The following KDM4C variants were observed in gnomAD, a reference collection of about 807,000 sequenced individuals.
KDM4C encodes the protein lysine-specific demethylase 4C.
In KDM4C, 81 loss-of-function variants were observed where a neutral mutation model predicts 129.3. That is an observed-to-expected ratio of 0.63 (90% CI 0.52 to 0.75). KDM4C has a LOEUF of 0.75. Ranked by LOEUF, KDM4C falls within the 30% of genes least tolerant of loss-of-function variation. The pLI is 0.00. For synonymous variants in KDM4C, 573 were observed against 456.1 expected, an observed-to-expected ratio of 1.26 and a Z score of -3.26; for missense variants, 1,457 against 1,304.0, an observed-to-expected ratio of 1.12 and a Z score of -1.81.
chr9:6,997,336 C>T (rs575421105), intron 12 of KDM4C, among the ~76,000 whole-genome samples: 2 of 152,162 alleles, frequency 1.3e-5, no homozygotes, highest in Non-Finnish European at 2.9e-5. Flanking sequence ...CCTTAAAAGC[C>T]TACACCTTTA....
At chr9:7,165,509 C>A in intron 20 of KDM4C, 152 bp downstream of exon 20, 2 of 847,654 alleles carry the variant, frequency 2.4e-6, no homozygotes, top group African/African-American at 1.7e-5. Context: ...TGTAATGACC[C>A]AGGTCGAAAC....
chr9:6,833,822 G>T (rs1262302562), intron 4 of KDM4C, among the ~76,000 whole-genome samples: 3 of 152,234 alleles, frequency 2.0e-5, no homozygotes, highest in Middle Eastern at 6.8e-3. Context: ...GAAGAGTTCT[G>T]TTCTGCGGTT....
chr9:6,978,772 A>T (rs978565295), intron 8 of KDM4C: 9 of 151,934 alleles, frequency 5.9e-5, no homozygotes, highest in Non-Finnish European at 1.3e-4. Context: ...GCTTCTGCTG[A>T]CATGGTTGAT....
intron 8 of KDM4C, among the ~76,000 whole-genome samples, chr9:6,933,046 C>G (rs995579883): frequency 6.8e-6 from 1 of 146,830 alleles, no homozygotes; most frequent in Non-Finnish European, 1.5e-5. Context: ...ATTTGTACTT[C>G]ATCAGTGGTG....
intron 19 of KDM4C, among the ~76,000 whole-genome samples, chr9:7,149,326 G>T (rs1481994037): frequency 6.6e-6 from 1 of 152,230 alleles, no homozygotes; most frequent in African/African-American, 2.4e-5. Context: ...GTGCATACCA[G>T]GAGCGGGGAG....
chr9:6,972,515 A>G (rs1348370608), intron 8 of KDM4C, among the ~76,000 whole-genome samples: 3 of 152,210 alleles, frequency 2.0e-5, no homozygotes, highest in African/African-American at 4.8e-5. Context: ...ATTCAAAATT[A>G]TCTGCTTAGG....
At chr9:7,165,526 GT>G (rs1479318692) in intron 20 of KDM4C, among the ~76,000 whole-genome samples, 169 bp downstream of exon 20, 9 of 152,258 alleles carry the variant, frequency 5.9e-5, no homozygotes, top group African/African-American at 2.2e-4. Context: ...AAACCCTGGA[GT>G]TTTATTACCA....
intron 2 of KDM4C, among the ~76,000 whole-genome samples, chr9:6,803,265 T>TA (rs1048595542): frequency 2.0e-4 from 30 of 152,158 alleles, no homozygotes; most frequent in African/African-American, 7.2e-4. Flanking sequence ...TGTTTTTCAA[T>TA]AAAAAACCTT....
At chr9:6,839,098 G>C (rs1433068076) in intron 4 of KDM4C, among the ~76,000 whole-genome samples, 1 of 152,178 alleles carries the variant, frequency 6.6e-6, no homozygotes, top group African/African-American at 2.4e-5. Context: ...CATTAGCCTA[G>C]CTTTAAGTTG....
chr9:6,757,838 T>C (rs553689846), upstream of KDM4C: 2 of 985,528 alleles, frequency 2.0e-6, no homozygotes, highest in Non-Finnish European at 2.4e-6. Context: ...CCAGCAAGCC[T>C]AAGTTAACCA....
At chr9:7,119,428 C>T (rs1060526) in intron 18 of KDM4C, among the ~76,000 whole-genome samples, 130,175 of 152,198 alleles carry the variant, frequency 0.86, 55,940 homozygotes, top group African/African-American at 0.92. Flanking sequence ...TAGGCAGAGA[C>T]TGCATTAACA....
chr9:6,811,491 G>C (rs1001617589), intron 3 of KDM4C, among the ~76,000 whole-genome samples: 13 of 152,110 alleles, frequency 8.5e-5, no homozygotes, highest in Non-Finnish European at 1.3e-4. Context: ...AATGTACTCA[G>C]TCTTAGCAGT....
At chr9:6,882,761 C>G (rs1352236548) in intron 6 of KDM4C, among the ~76,000 whole-genome samples, 2 of 146,612 alleles carry the variant, frequency 1.4e-5, no homozygotes, top group Non-Finnish European at 3.0e-5. Context: ...TTAGTTCATG[C>G]TTTTAAGCAT....
intron 5 of KDM4C, among the ~76,000 whole-genome samples, chr9:6,863,445 T>A (rs78447486): frequency 6.6e-6 from 1 of 152,020 alleles, no homozygotes; most frequent in Non-Finnish European, 1.5e-5. Flanking sequence ...GGTCACATGT[T>A]GCTTCCATTC....
intron 21 of KDM4C, among the ~76,000 whole-genome samples, chr9:7,172,354 C>T (rs16925520): frequency 6.6e-6 from 1 of 152,124 alleles, no homozygotes; most frequent in East Asian, 1.9e-4. Context: ...ACAGAATAAC[C>T]ATAGCAACGG....
rs576900152 is a variant in KDM4C, at chr9:6,859,602, G to A, written c.629+9902G>A. On this transcript the variant is annotated intron_variant, in intron 5 of 21. Coordinates refer to ENST00000381309, the MANE Select transcript of KDM4C (RefSeq NM_015061.6). ...GGACTGGCTGGGCGCGGTGGCTCAC[G>A]CCTGTAATCCAGCACTTTGGGAGGC... Among the ~76,000 whole-genome samples the A allele has an allele frequency of 4.8e-5, 7 of 144,440 alleles. No individual in the cohort carries two copies. In the South Asian group the frequency reaches 1.1e-3, roughly 23 times the overall value. 94.8% of individuals were successfully genotyped at this position (144,440 alleles called of 152,430 possible). A position where few individuals can be genotyped will look rare whatever the true frequency, so the allele number is the denominator to read the frequency against.
chr9:6,851,432 A>G (rs1209004812), intron 5 of KDM4C, among the ~76,000 whole-genome samples: 2 of 152,196 alleles, frequency 1.3e-5, no homozygotes, highest in Non-Finnish European at 1.5e-5. Context: ...ATTTTCAACA[A>G]TGGTTAGGCT....
chr9:6,794,134 A>G (rs1280410286), intron 2 of KDM4C, among the ~76,000 whole-genome samples: 2 of 152,186 alleles, frequency 1.3e-5, no homozygotes, highest in African/African-American at 4.8e-5. Context: ...TTGTTCAACA[A>G]ATGTGGAGAT....
rs572743482 is a variant in KDM4C at position 6,748,334 on chromosome 9, C to T, written c.49+27337C>T. Among the ~76,000 whole-genome samples the T allele has an allele frequency of 2.6e-5, 4 of 151,816 alleles. No homozygotes were observed. In the South Asian group the frequency reaches 8.3e-4, roughly 32 times the overall value. ...ACCAGCCTGACCAACATGGAGAAAC[C>T]CTGTCTCTACTAAAAATACAAAATT... On this transcript the variant is annotated intron_variant, in intron 1 of 17. Coordinates refer to the KDM4C transcript ENST00000536108.
Sources: gnomAD v4.1 joint callset for allele counts (sites outside exome capture counted in the v4.1 genomes callset) on GRCh38, gnomAD v4.1.1 for gene constraint, MANE v1.5 for transcripts, NCBI Gene and HGNC (gene_info 2026-07-23, HGNC 2026-07-21) for gene names.